Variants in ZNF583 observed in about 807,000 individuals in gnomAD.
ZNF583 encodes the protein zinc finger protein L3-5.
Under a neutral mutation model 55.3 loss-of-function variants are expected in ZNF583, and 30 were observed. The observed-to-expected ratio is 0.54, with a 90% CI of 0.41 to 0.74. The LOEUF (loss-of-function observed/expected upper bound fraction) is 0.74, where lower values mean the gene tolerates loss of function less well. ZNF583 is among the 30% of genes least tolerant of loss of function. The pLI, the probability that ZNF583 is intolerant of heterozygous loss-of-function variation, is 0.00. For missense variants in ZNF583, 504 were observed against 664.7 expected (o/e 0.76, Z 2.66); for synonymous variants, 208 against 220.0 (o/e 0.95, Z 0.48).
intron 4 of ZNF583, among the ~76,000 whole-genome samples, chr19:56,418,427 T>C (rs970380957): frequency 1.3e-5 from 2 of 152,018 alleles, no homozygotes; most frequent in Non-Finnish European, 2.9e-5. Flanking sequence ...AAAGGAAAAA[T>C]AATAAAATTT....
At position 56,421,503 on chromosome 19, in the gene ZNF583, C is replaced by T. The variant is rs561023882; in HGVS notation, c.233-1388C>T. ...TTGGAAGGGCACTGAGGCAGCACAG[C>T]GGAATTAGCAGCCTCAATTTAAGTA... On this transcript the variant is annotated intron_variant, in intron 4 of 4. Coordinates refer to ENST00000333201, the MANE Select transcript of ZNF583 (RefSeq NM_152478.3). The T allele has an allele frequency of 3.0e-5, 30 of 985,228 alleles. 1 individual carries two copies. Among genetic ancestry groups the T allele is most frequent in the Middle Eastern group, 5.2e-4 (1 of 1,914 alleles). 61.0% of individuals were successfully genotyped at this position (985,228 alleles called of 1,614,324 possible). A position where few individuals can be genotyped will look rare whatever the true frequency, so the allele number is the denominator to read the frequency against.
chr19:56,425,360 C>A lies in ZNF583; in HGVS notation c.*992C>A, dbSNP rs755485814. The A allele has an allele frequency of 2.0e-5, 3 of 152,192 alleles. No individual in the cohort carries two copies. The highest frequency in any genetic ancestry group is 4.4e-5 in the Non-Finnish European group (3 of 68,094). The allele number at this position is 152,192 out of a possible 1,614,324, so 9.4% of individuals were successfully genotyped here. On this transcript the variant is annotated 3_prime_UTR_variant, in exon 5 of 5. Transcript: ENST00000333201. Reference sequence around the variant, plus strand: ...GAGTAGCTGGGATTACAGGCCTGCACCACCACGCCCAGCTAATTTTTGTAT... The same window carrying A: ...GAGTAGCTGGGATTACAGGCCTGCAACACCACGCCCAGCTAATTTTTGTAT...
upstream of ZNF583, chr19:56,404,152 C>T (rs1397129688): frequency 6.6e-6 from 1 of 152,446 alleles, no homozygotes; most frequent in African/African-American, 2.4e-5. This position sits in a 1 kb window ranked among gnomAD's most constrained non-coding sequence, Gnocchi z 5.2. Context: ...CTCAGCTGGT[C>T]CGGGTGGGAT....
At chr19:56,414,577 ATCTTT>A (rs1445996440) in intron 4 of ZNF583, 137 bp downstream of exon 4, 3 of 683,376 alleles carry the variant, frequency 4.4e-6, no homozygotes, top group Non-Finnish European at 7.4e-6. Flanking sequence ...ATATTGAGGC[ATCTTT>A]AGTATGAGCT....
At chr19:56,416,428 C>T (rs573121678) in intron 4 of ZNF583, among the ~76,000 whole-genome samples, 3 of 150,752 alleles carry the variant, frequency 2.0e-5, no homozygotes, top group Non-Finnish European at 3.0e-5. Flanking sequence ...TATTCTTTTC[C>T]AATTTTGTGT....
intron 2 of ZNF583, among the ~76,000 whole-genome samples, chr19:56,409,520 G>A (rs1169616100): frequency 2.0e-5 from 3 of 150,958 alleles, no homozygotes; most frequent in African/African-American, 7.4e-5. Flanking sequence ...ATCTTTTTTT[G>A]AGATGGGGTC....
rs1343682263 is a variant in ZNF583 at position 56,414,522 on chromosome 19, C to T, written c.232+82C>T. 9 of 1,307,804 alleles carry T rather than the reference C, an allele frequency of 6.9e-6. No individual in the cohort carries two copies. In the African/African-American group the frequency reaches 7.4e-5, roughly 11 times the overall value. The allele number at this position is 1,307,804 out of a possible 1,614,324, so 81.0% of individuals were successfully genotyped here. A position where few individuals can be genotyped will look rare whatever the true frequency, so the allele number is the denominator to read the frequency against. On this transcript the variant is annotated intron_variant, in intron 4 of 4. Transcript: ENST00000333201. ...CTGAAAGATTTCAGTTCATAATTGA[C>T]GTTTCCTGGGTAGCTCTTCTTAAAG...
In ZNF583 at chr19:56,424,688, A is replaced by G. The variant is rs2042477015; in HGVS notation, c.*320A>G. 4.4e-6 allele frequency: 1 copy of G among 227,726 alleles called. No individual in the cohort carries two copies. Among genetic ancestry groups the G allele is most frequent in the East Asian group, 9.5e-5 (1 of 10,552 alleles). 14.1% of individuals were successfully genotyped at this position (227,726 alleles called of 1,614,324 possible). A position where few individuals can be genotyped will look rare whatever the true frequency, so the allele number is the denominator to read the frequency against. ...TCCAAAGTTTCTATCTTGTGTCACT[A>G]TCCATCTCATTCTCTGAATACTTAT... On this transcript the variant is annotated 3_prime_UTR_variant, in exon 5 of 5. Transcript: ENST00000333201.
At position 56,425,616 on chromosome 19, in the gene ZNF583, C is replaced by G. The variant is rs2042487438; in HGVS notation, c.*1248C>G. ...AGAAATCTTGAAACAAGTCAGTAAC[C>G]AATGATGAGTAGAAAATAAAGTATA... On this transcript the variant is annotated 3_prime_UTR_variant, in exon 5 of 5. Coordinates refer to ENST00000333201, the MANE Select transcript of ZNF583 (RefSeq NM_152478.3). 6.6e-6 allele frequency: 1 copy of G among 152,086 alleles called. No individual in the cohort carries two copies. Among genetic ancestry groups the G allele is most frequent in the Non-Finnish European group, 1.5e-5 (1 of 68,012 alleles). The allele number at this position is 152,086 out of a possible 1,614,324, so 9.4% of individuals were successfully genotyped here.
At chr19:56,406,811 G>A (rs557594678) in intron 1 of ZNF583, among the ~76,000 whole-genome samples, 1 of 145,920 alleles carries the variant, frequency 6.9e-6, no homozygotes, top group East Asian at 1.9e-4. Flanking sequence ...ACAGGCGTGA[G>A]CCACCGCGCC....
In ZNF583 at chr19:56,404,865, G is replaced by C. The variant is rs1213521172; in HGVS notation, c.-90+413G>C. On this transcript the variant is annotated intron_variant, in intron 1 of 4. Coordinates refer to ENST00000333201, the MANE Select transcript of ZNF583 (RefSeq NM_152478.3). This position sits in a 1 kb window ranked among gnomAD's most constrained non-coding sequence, Gnocchi z 5.2. ...ACCATGTGTGAGACTGGGAATGTGTGACAGTGTTAAACTGTCATTATGTGT... is the reference window on the plus strand; with the variant it reads ...ACCATGTGTGAGACTGGGAATGTGTCACAGTGTTAAACTGTCATTATGTGT... Among the ~76,000 whole-genome samples, 1 of 152,194 alleles carries C rather than the reference G, an allele frequency of 6.6e-6. No homozygotes were observed. Among genetic ancestry groups the C allele is most frequent in the Non-Finnish European group, 1.5e-5 (1 of 68,038 alleles).
intron 4 of ZNF583, among the ~76,000 whole-genome samples, chr19:56,417,512 G>A (rs565085833): frequency 1.3e-4 from 20 of 152,064 alleles, no homozygotes; most frequent in African/African-American, 4.8e-4. Flanking sequence ...ATGTTTTATT[G>A]GATTGTTTAT....
At chr19:56,415,014 T>TA (rs34510402) in intron 4 of ZNF583, among the ~76,000 whole-genome samples, 69,397 of 141,952 alleles carry the variant, frequency 0.49, 17,740 homozygotes, top group East Asian at 0.87. Context: ...AGAGCCTGTC[T>TA]AAAAAAAAAA....
chr19:56,423,263 A>G lies in ZNF583; in HGVS notation c.605A>G (p.His202Arg). The change falls in exon 5 of 5, where the codon CAT (histidine) becomes CGT (arginine). Residue 202 changes from histidine (H) to arginine (R), a missense_variant. Coordinates refer to ENST00000333201, the MANE Select transcript of ZNF583 (RefSeq NM_152478.3). ...SYRKKSVEMKHRKVYVEKKLL... is the reference protein window; with the variant it reads ...SYRKKSVEMKRRKVYVEKKLL... ...CGAAAAAAATCTGTTGAAATGAAACATAGGAAAGTCTATGTAGAAAAGAAA... is the reference window on the plus strand; with the variant it reads ...CGAAAAAAATCTGTTGAAATGAAACGTAGGAAAGTCTATGTAGAAAAGAAA... 1.9e-6 allele frequency: 3 copies of G among 1,610,732 alleles called. No homozygotes were observed. The highest frequency in any genetic ancestry group is 1.7e-6 in the Non-Finnish European group (2 of 1,179,284).
At chr19:56,408,931 CCCTCAGACTTACTGTG>C (rs1232808401) in intron 2 of ZNF583, among the ~76,000 whole-genome samples, 2 of 152,138 alleles carry the variant, frequency 1.3e-5, no homozygotes, top group African/African-American at 4.8e-5. Context: ...AATTTGCTGT[CCCTCAGACTTACTGTG>C]CTTTTTCTTG....
rs762624753 is a variant in ZNF583, at chr19:56,423,597, G to A, written c.939G>A (p.Gln313=). The part of the protein sequence containing the change: ...KAFSQIAHLT[Q]HQRVHTGERP... ...TCAGCCAGATTGCACACCTGACTCA[G>A]CATCAGAGAGTTCATACTGGAGAGA... Residue 313 remains glutamine (Q), a synonymous_variant, in exon 5 of 5, where the codon CAG becomes CAA. Transcript: ENST00000333201. The A allele has an allele frequency of 3.1e-6, 5 of 1,611,942 alleles. No individual in the cohort carries two copies. Among genetic ancestry groups the A allele is most frequent in the Non-Finnish European group, 4.2e-6 (5 of 1,179,476 alleles).
At chr19:56,421,773 T>G (rs779319480) in intron 4 of ZNF583, among the ~76,000 whole-genome samples, 42 of 152,160 alleles carry the variant, frequency 2.8e-4, no homozygotes, top group Non-Finnish European at 4.6e-4. Context: ...GAAAAAAACT[T>G]CCTGCACATG....
At chr19:56,406,717 C>G (rs367954707) in intron 1 of ZNF583, among the ~76,000 whole-genome samples, 1 of 151,874 alleles carries the variant, frequency 6.6e-6, no homozygotes, top group Non-Finnish European at 1.5e-5. Context: ...TTAGTAGAGA[C>G]GGGGTTTCCC....
At chr19:56,405,663 T>C (rs1178489456) in intron 1 of ZNF583, among the ~76,000 whole-genome samples, 1 of 151,988 alleles carries the variant, frequency 6.6e-6, no homozygotes, top group Non-Finnish European at 1.5e-5. Flanking sequence ...TTTCCATCCC[T>C]CTCAGTCTCT....
Sources: gnomAD v4.1 joint callset for allele counts (sites outside exome capture counted in the v4.1 genomes callset) on GRCh38, gnomAD v4.1.1 for gene constraint, Gnocchi (gnomAD v3.1) non-coding constraint, MANE v1.5 for transcripts, NCBI Gene and HGNC (gene_info 2026-07-23, HGNC 2026-07-21) for gene names.